ESRRG: variants seen among roughly 807,000 people sequenced by gnomAD.
The protein encoded by ESRRG is estrogen related receptor gamma.
ESRRG carries 13 observed loss-of-function variants against 44.0 expected under a neutral mutation model. That is an observed-to-expected ratio of 0.30 (90% confidence interval 0.19 to 0.47). ESRRG has a LOEUF of 0.47. Among genes scored for constraint, ESRRG ranks in the 20% least tolerant of loss-of-function variants. ESRRG has a pLI of 1.00. For synonymous variants in ESRRG, 215 were observed against 214.6 expected, an observed-to-expected ratio of 1.00 and a Z score of -0.02; for missense variants, 395 against 580.6, an observed-to-expected ratio of 0.68 and a Z score of 3.29.
intron 5 of ESRRG, among the ~76,000 whole-genome samples, chr1:216,551,480 A>G (rs1362443287): frequency 6.6e-6 from 1 of 152,164 alleles, no homozygotes; most frequent in African/African-American, 2.4e-5. Context: ...CAACCATACA[A>G]TATAGTACGG....
chr1:216,761,998 T>A (rs1355103753), intron 2 of ESRRG, among the ~76,000 whole-genome samples: 1 of 152,128 alleles, frequency 6.6e-6, no homozygotes, highest in African/African-American at 2.4e-5. Flanking sequence ...TACCAACACT[T>A]TGCCAAGTGC....
chr1:217,037,421 C>T (rs373746002), intron 1 of ESRRG, among the ~76,000 whole-genome samples: 1 of 152,118 alleles, frequency 6.6e-6, no homozygotes, highest in African/African-American at 2.4e-5. Flanking sequence ...AAAGAAAGAG[C>T]TTGTGCAGAG....
intron 1 of ESRRG, among the ~76,000 whole-genome samples, chr1:216,689,604 A>T (rs1229393129): frequency 6.6e-6 from 1 of 152,092 alleles, no homozygotes; most frequent in East Asian, 1.9e-4. Context: ...TTTGGATTTC[A>T]ACTATTAGAG....
At chr1:217,085,220 A>T (rs528601221) in intron 1 of ESRRG, among the ~76,000 whole-genome samples, 53 of 152,204 alleles carry the variant, frequency 3.5e-4, no homozygotes, top group African/African-American at 1.2e-3. Context: ...GGAACATACT[A>T]CCAAGAATTT....
intron 1 of ESRRG, among the ~76,000 whole-genome samples, chr1:216,697,054 C>T (rs1241523523): frequency 6.6e-6 from 1 of 151,968 alleles, no homozygotes; most frequent in Non-Finnish European, 1.5e-5. Flanking sequence ...CAACATCCAC[C>T]TCCCGGGTTC....
Position 217,114,069 on chromosome 1 carries a change from A to C in ESRRG, c.-230+23598T>G, listed in dbSNP as rs563337002. ...CTAATACTGTTTATAGATAAAACTCATCAAAGAGATTTGGGATCTTTCCTT... is the reference window on the plus strand; with the variant it reads ...CTAATACTGTTTATAGATAAAACTCCTCAAAGAGATTTGGGATCTTTCCTT... On this transcript the variant is annotated intron_variant, in intron 1 of 8. Coordinates refer to the ESRRG transcript ENST00000366940. 9.9e-5 allele frequency among the ~76,000 whole-genome samples: 15 copies of C among 152,270 alleles called. No homozygotes were observed. In the South Asian group the frequency reaches 3.1e-3, roughly 32 times the overall value.
At chr1:216,788,524 A>G (rs551608190) in intron 2 of ESRRG, among the ~76,000 whole-genome samples, 37 of 152,216 alleles carry the variant, frequency 2.4e-4, no homozygotes, top group African/African-American at 7.9e-4. Flanking sequence ...CTGCCAATTG[A>G]CTATGTACTG....
intron 3 of ESRRG, among the ~76,000 whole-genome samples, chr1:216,589,480 C>T (rs1025491321): frequency 8.6e-5 from 13 of 151,834 alleles, no homozygotes; most frequent in African/African-American, 3.1e-4. Context: ...GATTGGATAC[C>T]CCTGATGTAG....
intron 3 of ESRRG, among the ~76,000 whole-genome samples, chr1:216,623,977 A>G (rs1057383858): frequency 6.6e-6 from 1 of 152,052 alleles, no homozygotes; most frequent in Non-Finnish European, 1.5e-5. Context: ...CTCAAACTCT[A>G]CTAGCCAAGT....
rs371372129 is a variant in ESRRG, at chr1:216,916,665, T to C, written c.-14+22917A>G. ...AGTAAAGAGTCTTCTAACATTTTCT[T>C]TTTCAGAATTCATTCATGTCAGATG... is the stretch of plus-strand genomic sequence containing the variant. On this transcript the variant is annotated intron_variant, in intron 2 of 7. Transcript: ENST00000359162. Among the ~76,000 whole-genome samples, 26 of 152,120 alleles carry C rather than the reference T, an allele frequency of 1.7e-4. No individual in the cohort carries two copies. In the South Asian group the frequency reaches 2.9e-3, roughly 17 times the overall value.
At chr1:217,018,016 C>A (rs750692719) in intron 1 of ESRRG, among the ~76,000 whole-genome samples, 6 of 152,054 alleles carry the variant, frequency 3.9e-5, no homozygotes, top group African/African-American at 1.4e-4. Context: ...ATGTATAAAA[C>A]GAATTTAAAA....
intron 2 of ESRRG, among the ~76,000 whole-genome samples, chr1:216,878,259 A>C (rs907144288): frequency 1.3e-5 from 2 of 152,098 alleles, no homozygotes; most frequent in African/African-American, 2.4e-5. Flanking sequence ...CCTACCTTTT[A>C]AACTGAGATT....
At chr1:216,796,994 C>T (rs1005623161) in intron 2 of ESRRG, among the ~76,000 whole-genome samples, 4 of 152,030 alleles carry the variant, frequency 2.6e-5, no homozygotes, top group East Asian at 1.9e-4. Flanking sequence ...CAGGTTCAAG[C>T]GATTCTCCTC....
chr1:216,857,085 T>A (rs930665417), intron 2 of ESRRG, among the ~76,000 whole-genome samples: 1 of 152,122 alleles, frequency 6.6e-6, no homozygotes, highest in African/African-American at 2.4e-5. Context: ...GTGGAACTCC[T>A]TCTAACGACT....
intron 2 of ESRRG, among the ~76,000 whole-genome samples, chr1:216,760,758 A>G (rs1289392393): frequency 6.6e-6 from 1 of 152,114 alleles, no homozygotes; most frequent in Non-Finnish European, 1.5e-5. Flanking sequence ...AGTTTTAACC[A>G]GGAAAATCAC....
At chr1:216,567,661 T>A (rs1346872985) in intron 4 of ESRRG, among the ~76,000 whole-genome samples, 5 of 152,206 alleles carry the variant, frequency 3.3e-5, no homozygotes, top group African/African-American at 4.8e-5. Flanking sequence ...TGATCCATTT[T>A]ATGTACCTCT....
At chr1:216,532,433 A>T (rs1212220665) in intron 5 of ESRRG, among the ~76,000 whole-genome samples, 3 of 152,214 alleles carry the variant, frequency 2.0e-5, no homozygotes, top group African/African-American at 7.2e-5. Flanking sequence ...CGCACTGGAA[A>T]GTAATTTCAA....
chr1:216,588,025 TA>T (rs1400709350), intron 3 of ESRRG, among the ~76,000 whole-genome samples: 1 of 152,182 alleles, frequency 6.6e-6, no homozygotes, highest in Non-Finnish European at 1.5e-5. Flanking sequence ...GAAGTAAATA[TA>T]AAATGTATCA....
At chr1:217,097,315 A>G (rs2092438747) in intron 1 of ESRRG, among the ~76,000 whole-genome samples, 1 of 152,172 alleles carries the variant, frequency 6.6e-6, no homozygotes, top group African/African-American at 2.4e-5. Context: ...TCTCTATTAT[A>G]AAACTCCTAA....
Sources: gnomAD v4.1 joint callset for allele counts (sites outside exome capture counted in the v4.1 genomes callset) on GRCh38, gnomAD v4.1.1 for gene constraint, MANE v1.5 for transcripts, NCBI Gene and HGNC (gene_info 2026-07-23, HGNC 2026-07-21) for gene names.